Variants in SLC44A3 observed in about 807,000 individuals in gnomAD.
SLC44A3 encodes the protein solute carrier family 44 member 3.
SLC44A3 carries 74 observed loss-of-function variants against 75.4 expected under a neutral mutation model. The ratio of observed to expected loss-of-function variants is 0.98; its 90% CI spans 0.81 to 1.19. The LOEUF is 1.19. SLC44A3 is among the 50% of genes most tolerant of loss of function. The pLI is 0.00. For synonymous variants in SLC44A3, 310 were observed against 296.9 expected, an observed-to-expected ratio of 1.04 and a Z score of -0.45; for missense variants, 700 against 778.6, an observed-to-expected ratio of 0.90 and a Z score of 1.20.
At position 94,845,360 on chromosome 1, in the gene SLC44A3, T is replaced by G; in HGVS notation, c.968T>G (p.Ile323Ser). 11 of 1,614,150 alleles carry G rather than the reference T, an allele frequency of 6.8e-6. No homozygotes were observed. The highest frequency in any genetic ancestry group is 9.3e-6 in the Non-Finnish European group (11 of 1,180,014). The change falls in exon 9 of 15, where the codon ATC becomes AGC. Residue 323 changes from isoleucine to serine, a missense_variant. Ile to Ser is a moderately radical substitution (Grantham distance 142). Transcript: ENST00000271227. ...CTTTTCCAAATCACAAATAAAGCCA[T>G]CAGCAGTGCTCCCTTCCTGCTGTTC... ...VELFQITNKA[I>S]SSAPFLLFQP...
intron 9 of SLC44A3, 77 bp downstream of exon 9, chr1:94,845,541 C>A: frequency 1.5e-6 from 2 of 1,376,204 alleles, no homozygotes; most frequent in Non-Finnish European, 2.0e-6. Flanking sequence ...TGGCCTGTTT[C>A]TGTAGGCACC....
At chr1:94,820,511 G>A in intron 1 of SLC44A3, 33 bp downstream of exon 1, 1 of 1,486,880 alleles carries the variant, frequency 6.7e-7, no homozygotes, top group Non-Finnish European at 8.9e-7. Flanking sequence ...CTCGGGGGAG[G>A]AGCCCCGGGG....
intron 6 of SLC44A3, among the ~76,000 whole-genome samples, chr1:94,838,301 G>A (rs79414784): frequency 0.015 from 2,232 of 152,344 alleles, 47 homozygotes; most frequent in African/African-American, 0.05. Context: ...ATGCATCCAT[G>A]TTAAATGGAG....
At chr1:94,885,962 T>G (rs1669541745) in intron 12 of SLC44A3, among the ~76,000 whole-genome samples, 1 of 152,190 alleles carries the variant, frequency 6.6e-6, no homozygotes, top group Admixed American at 6.5e-5. Flanking sequence ...GCCAAGGCAT[T>G]TGGGATATAT....
intron 9 of SLC44A3, among the ~76,000 whole-genome samples, chr1:94,850,676 G>T (rs938756039): frequency 6.6e-6 from 1 of 152,204 alleles, no homozygotes; most frequent in African/African-American, 2.4e-5. Flanking sequence ...ATGGAAAACT[G>T]ATGTAAGGTT....
intron 12 of SLC44A3, among the ~76,000 whole-genome samples, chr1:94,879,183 A>G (rs1040744327): frequency 4.0e-5 from 6 of 151,098 alleles, no homozygotes; most frequent in African/African-American, 9.7e-5. Context: ...TCCAAAATAC[A>G]TAAGGAACTT....
chr1:94,851,941 C>T (rs973995463), intron 9 of SLC44A3, among the ~76,000 whole-genome samples: 15 of 152,170 alleles, frequency 9.9e-5, no homozygotes, highest in African/African-American at 3.6e-4. Context: ...TTTTGAAATG[C>T]TTTAAAGCTT....
In SLC44A3 at chr1:94,892,281, G is replaced by A; in HGVS notation, c.1621G>A (p.Val541Met). Residue 541 changes from valine (V) to methionine (M), a missense_variant and splice_region_variant, in exon 14 of 15, where the codon GTG becomes ATG. Coordinates refer to ENST00000271227, the MANE Select transcript of SLC44A3 (RefSeq NM_001114106.3). Reference protein sequence around the residue: ...FGDFIIFLGKVLVVCFTVFGG... With the variant: ...FGDFIIFLGKMLVVCFTVFGG... Reference sequence around the variant, plus strand: ...TTCAACAAACTCTTCTTTTGCACAGGTGTTAGTGGTGTGTTTCACTGTTTT... The same window carrying A: ...TTCAACAAACTCTTCTTTTGCACAGATGTTAGTGGTGTGTTTCACTGTTTT... 1 of 1,613,084 alleles carries A rather than the reference G, an allele frequency of 6.2e-7. No individual in the cohort carries two copies. Among genetic ancestry groups the A allele is most frequent in the South Asian group, 1.1e-5 (1 of 90,920 alleles).
chr1:94,835,932 T>C (rs1379808127), intron 5 of SLC44A3, among the ~76,000 whole-genome samples: 2 of 152,238 alleles, frequency 1.3e-5, no homozygotes, highest in African/African-American at 4.8e-5. Flanking sequence ...TGTGAATGTA[T>C]TACCCCTTCA....
chr1:94,862,800 G>A (rs1666730127), intron 10 of SLC44A3, among the ~76,000 whole-genome samples: 1 of 152,162 alleles, frequency 6.6e-6, no homozygotes, highest in Non-Finnish European at 1.5e-5. Context: ...CTCATCGCTG[G>A]GTTGCCCCAT....
At chr1:94,828,422 G>GA (rs1661667726) in intron 4 of SLC44A3, 71 bp from the exon 5 acceptor site, 2 of 1,276,394 alleles carry the variant, frequency 1.6e-6, no homozygotes, top group Non-Finnish European at 2.2e-6. Flanking sequence ...TTCTGGTTTG[G>GA]TAACATGGCT....
chr1:94,874,004 T>G (rs752274325), intron 12 of SLC44A3, among the ~76,000 whole-genome samples: 1 of 152,218 alleles, frequency 6.6e-6, no homozygotes, highest in Non-Finnish European at 1.5e-5. Context: ...AGAGCTATTC[T>G]GGGCAGCCAG....
chr1:94,823,110 G>A (rs1660837487), intron 2 of SLC44A3, among the ~76,000 whole-genome samples: 1 of 151,994 alleles, frequency 6.6e-6, no homozygotes, highest in Non-Finnish European at 1.5e-5. Context: ...CTTCACCACA[G>A]GCTTTCCAAA....
At chr1:94,890,087 T>G (rs1441922168) in intron 12 of SLC44A3, among the ~76,000 whole-genome samples, 1 of 152,256 alleles carries the variant, frequency 6.6e-6, no homozygotes, top group East Asian at 1.9e-4. Flanking sequence ...TGACCTCAGG[T>G]GATCCTCCCG....
chr1:94,839,948 C>T lies in SLC44A3; in HGVS notation c.671C>T (p.Ala224Val). 6.2e-7 allele frequency: 1 copy of T among 1,613,432 alleles called. No homozygotes were observed. The highest frequency in any genetic ancestry group is 8.5e-7 in the Non-Finnish European group (1 of 1,179,410). The stretch of plus-strand genomic sequence containing the variant: ...TTATGTGTTTTGCTTAATTTTTCAG[C>T]CTTGTCTTTGGCCATGATGTTTACC... ...TILGLCILAL[A>V]LSLAMMFTFR... is the part of the protein sequence containing the mutation. The change falls in exon 7 of 15, where the codon GCC becomes GTC. Residue 224 changes from alanine to valine, a missense_variant and splice_region_variant. By Grantham distance (64) the Ala-to-Val change is moderately conservative. Coordinates refer to ENST00000271227, the MANE Select transcript of SLC44A3 (RefSeq NM_001114106.3).
At chr1:94,857,224 ATTTGT>A in intron 9 of SLC44A3, 106 bp from the exon 10 acceptor site, 1 of 1,122,190 alleles carries the variant, frequency 8.9e-7, no homozygotes, top group East Asian at 2.7e-5. Context: ...TGATTTTGGC[ATTTGT>A]TTTATGTAAT....
chr1:94,851,982 C>T (rs1038505233), intron 9 of SLC44A3, among the ~76,000 whole-genome samples: 8 of 152,210 alleles, frequency 5.3e-5, no homozygotes, highest in African/African-American at 1.9e-4. Context: ...CAGCTAACTG[C>T]ACTATGAATA....
intron 11 of SLC44A3, among the ~76,000 whole-genome samples, chr1:94,865,525 G>GTT (rs1246300669): frequency 2.0e-5 from 3 of 152,214 alleles, no homozygotes; most frequent in African/African-American, 7.2e-5. Context: ...TAGGGCTTTT[G>GTT]TGCCTGGGGG....
chr1:94,881,489 G>A (rs1381245690), intron 12 of SLC44A3, among the ~76,000 whole-genome samples: 2 of 151,942 alleles, frequency 1.3e-5, no homozygotes, highest in Non-Finnish European at 2.9e-5. Context: ...CGGATCACAA[G>A]GTCAGGAGAT....
Sources: allele counts gnomAD v4.1 joint callset (sites outside exome capture counted in the v4.1 genomes callset), GRCh38; gene constraint gnomAD v4.1.1; transcripts MANE v1.5; gene names NCBI Gene and HGNC (gene_info 2026-07-23, HGNC 2026-07-21).